SLC25A26: variants seen among roughly 807,000 people sequenced by gnomAD.
The protein encoded by SLC25A26 is mitochondrial S-adenosylmethionine carrier protein.
Under a neutral mutation model 37.8 loss-of-function variants are expected in SLC25A26, and 36 were observed. The observed-to-expected ratio is 0.95, with a 90% CI of 0.73 to 1.26. The LOEUF (loss-of-function observed/expected upper bound fraction) is 1.26, where lower values mean the gene tolerates loss of function less well. Ranked by LOEUF, SLC25A26 falls within the 50% of genes most tolerant of loss-of-function variation. The pLI is 0.00. For synonymous variants in SLC25A26, 129 were observed against 122.5 expected, an observed-to-expected ratio of 1.05 and a Z score of -0.35; for missense variants, 390 against 331.1, an observed-to-expected ratio of 1.18 and a Z score of -1.38.
At chr3:66,200,841 G>A (rs1380273001) in intron 1 of SLC25A26, among the ~76,000 whole-genome samples, 4 of 152,140 alleles carry the variant, frequency 2.6e-5, no homozygotes, top group Non-Finnish European at 5.9e-5. Flanking sequence ...GGTTTTCATT[G>A]GTAACTGCTT....
chr3:66,243,212 T>G lies in SLC25A26; in HGVS notation c.200T>G (p.Phe67Cys). ...AIGSFPNAAA[F>C]FITYEYVKWF... ...TTGTTTTAAATTTCAGCTGCTGCAT[T>G]TTTTATCACCTATGAATATGTGAAG... The change falls in exon 3 of 10, where the codon TTT (phenylalanine) becomes TGT (cysteine). Residue 67 changes from phenylalanine (F) to cysteine (C), a missense_variant. Transcript: ENST00000354883. The G allele has an allele frequency of 6.3e-7, 1 of 1,588,194 alleles. No individual in the cohort carries two copies. The highest frequency in any genetic ancestry group is 8.6e-7 in the Non-Finnish European group (1 of 1,162,324).
At chr3:66,358,829 C>T (rs1409252542) in intron 6 of SLC25A26, among the ~76,000 whole-genome samples, 1 of 152,120 alleles carries the variant, frequency 6.6e-6, no homozygotes, top group African/African-American at 2.4e-5. Flanking sequence ...ACATGTAAGT[C>T]GGAAGATTCT....
At chr3:66,143,012 C>T (rs1242989496) in intron 1 of SLC25A26, among the ~76,000 whole-genome samples, 1 of 152,164 alleles carries the variant, frequency 6.6e-6, no homozygotes, top group Non-Finnish European at 1.5e-5. Context: ...GGCGATCTTC[C>T]TGCCTCAGCC....
chr3:66,268,948 C>A (rs1221482711), intron 5 of SLC25A26, among the ~76,000 whole-genome samples: 2 of 152,224 alleles, frequency 1.3e-5, no homozygotes, highest in African/African-American at 2.4e-5. Context: ...CCCAGCCATG[C>A]AAACTGTGAG....
chr3:66,366,959 C>G (rs1333861770), intron 7 of SLC25A26, among the ~76,000 whole-genome samples: 1 of 152,212 alleles, frequency 6.6e-6, no homozygotes, highest in Non-Finnish European at 1.5e-5. Context: ...TAGTGCATTC[C>G]TGGCATGCCA....
rs2070562194 is a variant in SLC25A26, at chr3:66,175,126, TATATATATATATATAC to T, written c.-354+41144_-354+41159del. On this transcript the variant is annotated intron_variant, in intron 1 of 10. Transcript: ENST00000676754. Reference sequence around the variant, plus strand: ...GTGTGTGTGTATATATATATATATATATATATATATATATACACACACACACACACACACATTATAT... The same window carrying T: ...GTGTGTGTGTATATATATATATATATACACACACACACACACACATTATAT... Among the ~76,000 whole-genome samples the T allele has an allele frequency of 3.0e-4, 28 of 92,010 alleles. No individual in the cohort carries two copies. The South Asian group carries it at 3.4e-3, about 11-fold the overall frequency. The allele number at this position is 92,010 out of a possible 152,430, so 60.4% of individuals were successfully genotyped here.
At chr3:66,341,015 G>A (rs961542036) in intron 5 of SLC25A26, among the ~76,000 whole-genome samples, 1 of 151,896 alleles carries the variant, frequency 6.6e-6, no homozygotes, top group South Asian at 2.1e-4. Context: ...ATTTGTAAAT[G>A]GGGACAGTTT....
At chr3:66,206,545 C>T (rs1467811755) in intron 1 of SLC25A26, among the ~76,000 whole-genome samples, 2 of 152,168 alleles carry the variant, frequency 1.3e-5, no homozygotes, top group Admixed American at 1.3e-4. Context: ...CAAGGCTGTA[C>T]ATACTGTTTC....
intron 1 of SLC25A26, among the ~76,000 whole-genome samples, chr3:66,172,963 C>G (rs1278419625): frequency 6.6e-6 from 1 of 152,196 alleles, no homozygotes; most frequent in Non-Finnish European, 1.5e-5. Flanking sequence ...TTCTGAGGAA[C>G]AGAAGGTTAG....
At chr3:66,325,307 AGATT>A (rs1184021431) in intron 5 of SLC25A26, among the ~76,000 whole-genome samples, 5 of 152,218 alleles carry the variant, frequency 3.3e-5, no homozygotes, top group African/African-American at 4.8e-5. Context: ...GAGGTTTTGT[AGATT>A]GATTGATGGA....
chr3:66,295,529 G>A (rs1032145541), intron 5 of SLC25A26, among the ~76,000 whole-genome samples: 1 of 151,832 alleles, frequency 6.6e-6, no homozygotes, highest in African/African-American at 2.4e-5. Flanking sequence ...AGCCTCCTGA[G>A]TAGCTGGGAC....
intron 2 of SLC25A26, among the ~76,000 whole-genome samples, chr3:66,241,638 G>T (rs1413753477): frequency 6.6e-6 from 1 of 152,152 alleles, no homozygotes; most frequent in Non-Finnish European, 1.5e-5. Flanking sequence ...GAGTACCAGG[G>T]TTCAAAAATA....
chr3:66,143,632 C>T (rs1335198121), intron 1 of SLC25A26, among the ~76,000 whole-genome samples: 2 of 152,088 alleles, frequency 1.3e-5, no homozygotes, highest in African/African-American at 4.8e-5. Flanking sequence ...GCCTGTAATC[C>T]CAGGACTTTG....
In SLC25A26 at chr3:66,377,824, A is replaced by G; in HGVS notation, c.*17A>G. ...AGTCCTTGAAGCAGAGACAAGCCTC[A>G]CCTCCACTTCTGTCAAGAGAGGGGC... is the stretch of plus-strand genomic sequence containing the variant. On this transcript the variant is annotated 3_prime_UTR_variant, in exon 10 of 10. Coordinates refer to ENST00000354883, the MANE Select transcript of SLC25A26 (RefSeq NM_001379210.1). 2 of 1,585,468 alleles carry G rather than the reference A, an allele frequency of 1.3e-6. No homozygotes were observed. The highest frequency in any genetic ancestry group is 1.7e-6 in the Non-Finnish European group (2 of 1,154,284).
At chr3:66,238,009 A>C (rs970853159) in intron 2 of SLC25A26, among the ~76,000 whole-genome samples, 17 of 152,198 alleles carry the variant, frequency 1.1e-4, no homozygotes, top group African/African-American at 4.1e-4. Flanking sequence ...TTAGAATGGC[A>C]AACTGTTTTG....
chr3:66,305,647 T>G lies in SLC25A26; in HGVS notation c.454-40717T>G, dbSNP rs539202525. ...CCCTGTGAAAGGCCCCAGAGTGTGTTGTTTCCCTCCCTGTGTCCATGTGTT... is the reference window on the plus strand; with the variant it reads ...CCCTGTGAAAGGCCCCAGAGTGTGTGGTTTCCCTCCCTGTGTCCATGTGTT... On this transcript the variant is annotated intron_variant, in intron 5 of 9. Coordinates refer to ENST00000354883, the MANE Select transcript of SLC25A26 (RefSeq NM_001379210.1). Among the ~76,000 whole-genome samples the G allele has an allele frequency of 9.5e-4, 144 of 152,198 alleles. 1 individual carries two copies. Among genetic ancestry groups the G allele is most frequent in the Non-Finnish European group, 1.5e-3 (102 of 68,010 alleles).
intron 5 of SLC25A26, among the ~76,000 whole-genome samples, chr3:66,289,875 G>A (rs1293728609): frequency 6.6e-6 from 1 of 152,156 alleles, no homozygotes; most frequent in East Asian, 1.9e-4. Context: ...GTAGCTTGAT[G>A]GGAATAACAT....
chr3:66,282,097 C>T (rs1275939695), intron 5 of SLC25A26, among the ~76,000 whole-genome samples: 14 of 149,622 alleles, frequency 9.4e-5, no homozygotes, highest in African/African-American at 2.2e-4. Flanking sequence ...CTGCAAGCTC[C>T]GCTTCCCAGG....
At chr3:66,271,871 C>T (rs375054222) in intron 5 of SLC25A26, among the ~76,000 whole-genome samples, 1 of 151,572 alleles carries the variant, frequency 6.6e-6, no homozygotes, top group Non-Finnish European at 1.5e-5. Flanking sequence ...AATGTCTGTT[C>T]GTTTTCTTTT....
Sources: gnomAD v4.1 joint callset for allele counts (sites outside exome capture counted in the v4.1 genomes callset) on GRCh38, gnomAD v4.1.1 for gene constraint, MANE v1.5 for transcripts, NCBI Gene and HGNC (gene_info 2026-07-23, HGNC 2026-07-21) for gene names.